KLHL7: variants seen among roughly 807,000 people sequenced by gnomAD.
The protein encoded by KLHL7 is kelch like family member 7, also known as kelch-like protein 7.
KLHL7 carries 44 observed loss-of-function variants against 67.4 expected under a neutral mutation model. The ratio of observed to expected loss-of-function variants is 0.65; its 90% CI spans 0.51 to 0.84. KLHL7 has a LOEUF of 0.84. Among genes scored for constraint, KLHL7 ranks in the 40% least tolerant of loss-of-function variants. The pLI is 0.00. For synonymous variants in KLHL7, 252 were observed against 243.3 expected (o/e 1.04, Z -0.33); for missense variants, 362 against 718.1 (o/e 0.50, Z 5.67).
intron 1 of KLHL7, among the ~76,000 whole-genome samples, chr7:23,110,595 A>G (rs1408289280): frequency 6.8e-6 from 1 of 147,874 alleles, no homozygotes; most frequent in Non-Finnish European, 1.5e-5. Context: ...AATTCACTAC[A>G]TTTTCTTTTG....
At position 23,140,780 on chromosome 7, in the gene KLHL7, C is replaced by T; in HGVS notation, c.454C>T (p.Leu152=). The change falls in exon 5 of 11, where the codon CTA becomes TTA. Residue 152 remains leucine (L), a synonymous_variant. Transcript: ENST00000339077. Reference sequence around the variant, plus strand: ...CTTTCTGTGTTTAGGTATAAGTGTGCTAGCGGAGTGTCTAGATTGTCCTGA... The same window carrying T: ...CTTTCTGTGTTTAGGTATAAGTGTGTTAGCGGAGTGTCTAGATTGTCCTGA... The part of the protein sequence containing the change: ...DASNCLGISV[L]AECLDCPELK... The T allele has an allele frequency of 6.2e-7, 1 of 1,613,290 alleles. No homozygotes were observed.
intron 4 of KLHL7, chr7:23,125,754 G>A (rs1049758782): frequency 1.3e-6 from 2 of 1,487,194 alleles, no homozygotes; most frequent in African/African-American, 2.8e-5. Context: ...TTTCTATTTT[G>A]TGATAGGAGA....
rs776950686 is a variant in KLHL7 at position 23,167,820 on chromosome 7, C to T, written c.1178-16C>T. On this transcript the variant is annotated splice_polypyrimidine_tract_variant and intron_variant, in intron 8 of 10. Transcript: ENST00000339077. ...CACACTAAAGTTAAGCATGATGGGG[C>T]CTTTTTCTTTTACAGGAAACTCAGC... 9.3e-6 allele frequency: 15 copies of T among 1,612,240 alleles called. No individual in the cohort carries two copies. The highest frequency in any genetic ancestry group is 1.3e-5 in the Non-Finnish European group (15 of 1,178,442).
At chr7:23,120,297 C>T (rs1783280559) in intron 1 of KLHL7, among the ~76,000 whole-genome samples, 1 of 152,196 alleles carries the variant, frequency 6.6e-6, no homozygotes, top group South Asian at 2.1e-4. Context: ...AGGCATGAGT[C>T]ACCACACCCA....
rs951811481 is a variant in KLHL7, at chr7:23,105,820, T to C, written c.-207T>C. 29 of 679,396 alleles carry C rather than the reference T, an allele frequency of 4.3e-5. No individual in the cohort carries two copies. The East Asian group carries it at 8.0e-4, about 19-fold the overall frequency. The allele number at this position is 679,396 out of a possible 1,614,324, so 42.1% of individuals were successfully genotyped here. ...CGGGGACGCAGCCCAGTTGGTAGCG[T>C]CGCTCCCTGAGCGTTTCTAAGGGGG... On this transcript the variant is annotated 5_prime_UTR_variant, in exon 1 of 11. Coordinates refer to ENST00000339077, the MANE Select transcript of KLHL7 (RefSeq NM_001031710.3).
At chr7:23,115,362 CAT>C (rs1047049364) in intron 1 of KLHL7, among the ~76,000 whole-genome samples, 32 of 152,222 alleles carry the variant, frequency 2.1e-4, no homozygotes, top group African/African-American at 7.7e-4. Flanking sequence ...TCAAAGAAAA[CAT>C]AACAATCTTG....
At chr7:23,163,304 G>A (rs1784904556) in intron 7 of KLHL7, among the ~76,000 whole-genome samples, 1 of 152,112 alleles carries the variant, frequency 6.6e-6, no homozygotes, top group Non-Finnish European at 1.5e-5. Context: ...CCGAGTAGCA[G>A]GGATTACACG....
intron 8 of KLHL7, 84 bp downstream of exon 8, chr7:23,166,022 T>C: frequency 7.3e-7 from 1 of 1,366,944 alleles, no homozygotes; most frequent in South Asian, 1.2e-5. Context: ...AAACAGCTGG[T>C]ATTATTTGTC....
rs556229642 is a variant in KLHL7, at chr7:23,176,083, A to G, written c.*1785A>G. 3 of 152,242 alleles carry G rather than the reference A, an allele frequency of 2.0e-5. No individual in the cohort carries two copies. Among genetic ancestry groups the G allele is most frequent in the East Asian group, 1.9e-4 (1 of 5,192 alleles). The allele number at this position is 152,242 out of a possible 1,614,324, so 9.4% of individuals were successfully genotyped here. On this transcript the variant is annotated 3_prime_UTR_variant, in exon 11 of 11. Coordinates refer to ENST00000339077, the MANE Select transcript of KLHL7 (RefSeq NM_001031710.3). ...AAAAGAAACCTTGTACTGATTAGCA[A>G]TGGTTCCCTATTTCCCCCAACGCCC...
chr7:23,158,194 T>C (rs1784763336), intron 7 of KLHL7, among the ~76,000 whole-genome samples: 1 of 152,158 alleles, frequency 6.6e-6, no homozygotes, highest in African/African-American at 2.4e-5. Flanking sequence ...CTTGAACTTC[T>C]GGACTCAAGC....
At chr7:23,156,996 T>C (rs1015760114) in intron 7 of KLHL7, among the ~76,000 whole-genome samples, 9 of 152,220 alleles carry the variant, frequency 5.9e-5, no homozygotes, top group East Asian at 3.9e-4. Flanking sequence ...ATTAAAGATA[T>C]TGCAGTGCCT....
chr7:23,141,724 G>A (rs1020206254), intron 5 of KLHL7, among the ~76,000 whole-genome samples: 3 of 152,024 alleles, frequency 2.0e-5, no homozygotes, highest in African/African-American at 4.8e-5. Flanking sequence ...CCGAGTTCAC[G>A]CCATTCTCCT....
chr7:23,129,796 A>G (rs61447630), intron 4 of KLHL7: 3,493 of 157,194 alleles, frequency 0.022, 147 homozygotes, highest in African/African-American at 0.079. Flanking sequence ...ATGCTTTCCT[A>G]CAAACTAAAG....
At chr7:23,152,260 C>A (rs1249890948) in intron 7 of KLHL7, 51 bp downstream of exon 7, 1 of 1,528,026 alleles carries the variant, frequency 6.5e-7, no homozygotes, top group South Asian at 1.1e-5. Context: ...AATCACTGAA[C>A]ACATAAGACA....
At chr7:23,145,166 A>T (rs1173424129) in intron 6 of KLHL7, among the ~76,000 whole-genome samples, 1 of 152,106 alleles carries the variant, frequency 6.6e-6, no homozygotes, top group Non-Finnish European at 1.5e-5. Flanking sequence ...TTTCAGTTAG[A>T]ATTTATCTTC....
intron 1 of KLHL7, 85 bp from the exon 2 acceptor site, chr7:23,123,692 G>T: frequency 1.2e-6 from 1 of 831,134 alleles, no homozygotes. Context: ...TAGAGATAAA[G>T]CATTTGGCAA....
At chr7:23,126,631 A>G (rs1382292632) in intron 4 of KLHL7, among the ~76,000 whole-genome samples, 2 of 152,158 alleles carry the variant, frequency 1.3e-5, no homozygotes, top group Non-Finnish European at 2.9e-5. Flanking sequence ...CTCTGTCCCT[A>G]CTTTTTGTAG....
At position 23,140,742 on chromosome 7, in the gene KLHL7, ATTCTT is replaced by A. The variant is rs749305235; in HGVS notation, c.443-24_443-20del. 146 of 1,603,958 alleles carry A rather than the reference ATTCTT, an allele frequency of 9.1e-5. No individual in the cohort carries two copies. The South Asian group carries it at 1.4e-3, about 15-fold the overall frequency. ...TTGGTTTTTCTAAAAATGATTTTCT[ATTCTT>A]TTATTTTCTTTCTGTGTTTAGGTAT... is the stretch of plus-strand genomic sequence containing the variant. On this transcript the variant is annotated intron_variant, in intron 4 of 10. Coordinates refer to ENST00000339077, the MANE Select transcript of KLHL7 (RefSeq NM_001031710.3).
Position 23,152,075 on chromosome 7 carries a change from A to C in KLHL7, c.802A>C (p.Arg268=), listed in dbSNP as rs1370492837. ...CATGTATTTTACTACAGGTGGAATGAGGTACCATCTACTGTCTCCAGAGGA... is the reference window on the plus strand; with the variant it reads ...CATGTATTTTACTACAGGTGGAATGCGGTACCATCTACTGTCTCCAGAGGA... ...ECLKMVISGM[R]YHLLSPEDRE... is the part of the protein sequence containing the mutation. Residue 268 remains arginine, a synonymous_variant, in exon 7 of 11, where the codon AGG becomes CGG. Coordinates refer to ENST00000339077, the MANE Select transcript of KLHL7 (RefSeq NM_001031710.3). 1 of 1,613,786 alleles carries C rather than the reference A, an allele frequency of 6.2e-7. No homozygotes were observed. Among genetic ancestry groups the C allele is most frequent in the Non-Finnish European group, 8.5e-7 (1 of 1,179,792 alleles).
Sources: gnomAD v4.1 joint callset for allele counts (sites outside exome capture counted in the v4.1 genomes callset) on GRCh38, gnomAD v4.1.1 for gene constraint, MANE v1.5 for transcripts, NCBI Gene and HGNC (gene_info 2026-07-23, HGNC 2026-07-21) for gene names.